The following NFASC variants were observed in gnomAD, a reference collection of about 807,000 sequenced individuals.
NFASC encodes the protein neurofascin.
Under a neutral mutation model 147.5 loss-of-function variants are expected in NFASC, and 43 were observed. The observed-to-expected ratio is 0.29, with a 90% CI of 0.23 to 0.38. The LOEUF (loss-of-function observed/expected upper bound fraction) is 0.38. NFASC is among the 10% of genes least tolerant of loss of function. NFASC has a pLI of 1.00. For missense variants in NFASC, 1,320 were observed against 1,689.0 expected (o/e 0.78, Z 3.83); for synonymous variants, 622 against 665.5 (o/e 0.93, Z 1.01).
chr1:204,874,819 G>T (rs755933226), intron 1 of NFASC, among the ~76,000 whole-genome samples: 6 of 152,138 alleles, frequency 3.9e-5, no homozygotes, highest in Non-Finnish European at 7.4e-5. Flanking sequence ...AAAAGGAGAG[G>T]TAACTTTCCA....
At position 205,019,475 on chromosome 1, in the gene NFASC, C is replaced by CCATTCATTCATTCATTCATTCATT. The variant is rs10528066; in HGVS notation, c.*2939_*2962dup. On this transcript the variant is annotated 3_prime_UTR_variant, in exon 30 of 30. Coordinates refer to ENST00000339876, the MANE Select transcript of NFASC (RefSeq NM_001005388.3). ...TGTGGTTTCCTGTGCTCTCATTTGTCCATTCATTCATTCATTCATTCATTC... is the reference window on the plus strand; with the variant it reads ...TGTGGTTTCCTGTGCTCTCATTTGTCCATTCATTCATTCATTCATTCATTCATTCATTCATTCATTCATTCATTC... The CCATTCATTCATTCATTCATTCATT allele has an allele frequency of 1.2e-4, 18 of 151,388 alleles. No homozygotes were observed. The highest frequency in any genetic ancestry group is 3.6e-4 in the African/African-American group (15 of 41,178). 9.4% of individuals were successfully genotyped at this position (151,388 alleles called of 1,614,324 possible).
intron 1 of NFASC, among the ~76,000 whole-genome samples, chr1:204,859,244 C>T (rs2076457703): frequency 1.3e-5 from 2 of 152,236 alleles, no homozygotes; most frequent in Non-Finnish European, 2.9e-5. Flanking sequence ...AATGCACTGA[C>T]TTCTAACCAT....
At chr1:204,981,696 C>T in intron 20 of NFASC, 102 bp from the exon 21 acceptor site, 1 of 705,312 alleles carries the variant, frequency 1.4e-6, no homozygotes, top group East Asian at 3.1e-5. Flanking sequence ...CAGTGTTGGG[C>T]ACATCTGGAA....
intron 7 of NFASC, among the ~76,000 whole-genome samples, chr1:204,956,509 C>T (rs1270336086): frequency 6.6e-6 from 1 of 152,206 alleles, no homozygotes; most frequent in Non-Finnish European, 1.5e-5. Context: ...GCTTAGGACC[C>T]CCTAGAATGC....
chr1:204,909,754 G>A (rs1370664535), intron 1 of NFASC, among the ~76,000 whole-genome samples: 2 of 152,080 alleles, frequency 1.3e-5, no homozygotes, highest in Non-Finnish European at 2.9e-5. Context: ...TAAGGACTTA[G>A]GTTAAGATTC....
chr1:204,945,120 A>G (rs558161597), intron 3 of NFASC: 1 of 152,366 alleles, frequency 6.6e-6, no homozygotes, highest in Non-Finnish European at 1.5e-5. Flanking sequence ...TCTAACAGCC[A>G]TGTCTCCACC....
chr1:204,994,970 A>C (rs576761808), intron 24 of NFASC, among the ~76,000 whole-genome samples: 2 of 152,112 alleles, frequency 1.3e-5, no homozygotes, highest in Admixed American at 1.3e-4. Flanking sequence ...CAAATTAGCC[A>C]AGCATGGTGG....
chr1:204,948,516 A>G (rs896547951), intron 3 of NFASC: 1 of 493,878 alleles, frequency 2.0e-6, no homozygotes, highest in African/African-American at 2.0e-5. Context: ...CAGAATGTCA[A>G]GGAGAGCAGA....
rs1158720352 is a variant in NFASC, at chr1:204,997,153, T to C, written c.2783-17T>C. On this transcript the variant is annotated splice_polypyrimidine_tract_variant and intron_variant, in intron 24 of 29. Transcript: ENST00000339876. ...GCCAAACCAACCAGACTCGGCTGTT[T>C]TACATTTCCCTCTCAGCTCCTCCCA... 6.2e-7 allele frequency: 1 copy of C among 1,600,922 alleles called. No individual in the cohort carries two copies. The highest frequency in any genetic ancestry group is 1.1e-5 in the South Asian group (1 of 89,940).
chr1:204,991,244 C>T (rs1410228802), intron 23 of NFASC, 48 bp from the exon 24 acceptor site: 2 of 1,604,624 alleles, frequency 1.2e-6, no homozygotes, highest in East Asian at 4.5e-5. Flanking sequence ...CTTCCCTTTT[C>T]CATCCTTTCT....
intron 21 of NFASC, chr1:204,983,930 G>T (rs1432107081): frequency 1.3e-6 from 1 of 764,400 alleles, no homozygotes; most frequent in Admixed American, 2.0e-5. Context: ...AATGCCCAGT[G>T]TTGAGTGGAG....
chr1:204,976,391 G>T (rs2095404619), intron 15 of NFASC, among the ~76,000 whole-genome samples: 1 of 152,202 alleles, frequency 6.6e-6, no homozygotes, highest in Non-Finnish European at 1.5e-5. Flanking sequence ...CACAGTAAAG[G>T]CACAGAGGCA....
chr1:204,828,979 G>C (rs73075644), intron 1 of NFASC, among the ~76,000 whole-genome samples, 197 bp downstream of exon 1: 6 of 45,462 alleles, frequency 1.3e-4, no homozygotes, highest in South Asian at 1.0e-3. Context: ...TGCCCACCCC[G>C]TCCCCGTCCA....
intron 8 of NFASC, among the ~76,000 whole-genome samples, chr1:204,966,284 G>A (rs141278854): frequency 4.3e-4 from 65 of 152,282 alleles, no homozygotes; most frequent in African/African-American, 1.5e-3. Context: ...GGTTGTGCGT[G>A]CTGGTGGTGT....
chr1:204,998,244 G>A (rs959244754), intron 25 of NFASC: 1 of 152,216 alleles, frequency 6.6e-6, no homozygotes, highest in Middle Eastern at 3.2e-3. Context: ...CTGAGCATCA[G>A]TCTTTTATTA....
At chr1:204,879,927 T>A (rs1185939103) in intron 1 of NFASC, among the ~76,000 whole-genome samples, 2 of 152,230 alleles carry the variant, frequency 1.3e-5, no homozygotes, top group Non-Finnish European at 2.9e-5. Flanking sequence ...GGGGTTCTCA[T>A]GCTGTGGGCT....
At chr1:204,984,079 C>T in intron 21 of NFASC, 2 of 1,614,190 alleles carry the variant, frequency 1.2e-6, no homozygotes, top group South Asian at 1.1e-5. Context: ...ACAGCACAGC[C>T]ATCAGCCTTC....
chr1:205,011,315 T>A (rs2096250661), intron 28 of NFASC, among the ~76,000 whole-genome samples: 1 of 151,780 alleles, frequency 6.6e-6, no homozygotes, highest in Non-Finnish European at 1.5e-5. Flanking sequence ...GAGCTGTGCC[T>A]TAAGTGAGGG....
rs975396461 is a variant in NFASC, at chr1:204,870,902, C to T, written c.-200+42120C>T. On this transcript the variant is annotated intron_variant, in intron 1 of 29. Coordinates refer to ENST00000339876, the MANE Select transcript of NFASC (RefSeq NM_001005388.3). ...AGGGCTGCTGTGTTTTCTCTGAGGC[C>T]AACTTTCAGGGAAAAGAAGGATCTT... The T allele has an allele frequency of 1.6e-5, 19 of 1,205,832 alleles. No individual in the cohort carries two copies. In the Admixed American group the frequency reaches 6.1e-4, roughly 39 times the overall value. 74.7% of individuals were successfully genotyped at this position (1,205,832 alleles called of 1,614,324 possible). A position where few individuals can be genotyped will look rare whatever the true frequency, so the allele number is the denominator to read the frequency against.
Sources: allele counts gnomAD v4.1 joint callset (sites outside exome capture counted in the v4.1 genomes callset), GRCh38; gene constraint gnomAD v4.1.1; transcripts MANE v1.5; gene names NCBI Gene and HGNC (gene_info 2026-07-23, HGNC 2026-07-21).